The following RNF212B variants were observed in gnomAD, a reference collection of about 807,000 sequenced individuals.
RNF212B encodes the protein E3 ubiquitin-protein ligase RNF212B.
In RNF212B, 52 loss-of-function variants were observed where a neutral mutation model predicts 55.5. That is an observed-to-expected ratio of 0.94 (90% CI 0.75 to 1.18). The LOEUF (loss-of-function observed/expected upper bound fraction) is 1.18. Among genes scored for constraint, RNF212B ranks in the 50% most tolerant of loss-of-function variants. The pLI is 0.00. For synonymous variants in RNF212B, 99 were observed against 121.4 expected, an observed-to-expected ratio of 0.82 and a Z score of 1.21; for missense variants, 289 against 350.4, an observed-to-expected ratio of 0.82 and a Z score of 1.40.
Position 23,239,777 on chromosome 14 carries a change from C to T in RNF212B, c.-1-568C>T, listed in dbSNP as rs1272173393. 2.0e-5 allele frequency among the ~76,000 whole-genome samples: 3 copies of T among 152,050 alleles called. No individual in the cohort carries two copies. The East Asian group carries it at 5.8e-4, about 29-fold the overall frequency. On this transcript the variant is annotated intron_variant, in intron 1 of 14. Transcript: ENST00000430154. ...GGGATTACAGGTGCCTGCCACCATGCCCAGCTAATTTTTATATTTTTAGTA... is the reference window on the plus strand; with the variant it reads ...GGGATTACAGGTGCCTGCCACCATGTCCAGCTAATTTTTATATTTTTAGTA...
At chr14:23,256,162 G>A (rs1052136019) in intron 4 of RNF212B, among the ~76,000 whole-genome samples, 2 of 152,038 alleles carry the variant, frequency 1.3e-5, no homozygotes, top group African/African-American at 4.8e-5. Context: ...GTAGGATTTG[G>A]CTTATCTTGA....
intron 9 of RNF212B, among the ~76,000 whole-genome samples, chr14:23,263,454 A>G (rs966846931): frequency 2.6e-5 from 4 of 152,250 alleles, no homozygotes; most frequent in African/African-American, 9.6e-5. Flanking sequence ...GCATCACTGG[A>G]AAGTCCAGAT....
In RNF212B at chr14:23,244,329, C is replaced by T. The variant is rs1377839863; in HGVS notation, c.161C>T (p.Pro54Leu). The change falls in exon 4 of 15, where the codon CCT (proline) becomes CTT (leucine). Residue 54 changes from proline to leucine, a missense_variant. Pro to Leu is a moderately conservative substitution (Grantham distance 98, BLOSUM62 -3). Transcript: ENST00000430154. The part of the protein sequence containing the change: ...KHLALSDNLK[P>L]QEKMFFKSPV... ...GTATTGCTCTCTTCGTAGCTGAAGCCTCAGGAGAAGATGTTTTTCAAAAGT... is the reference window on the plus strand; with the variant it reads ...GTATTGCTCTCTTCGTAGCTGAAGCTTCAGGAGAAGATGTTTTTCAAAAGT... 5 of 1,541,496 alleles carry T rather than the reference C, an allele frequency of 3.2e-6. No individual in the cohort carries two copies. The highest frequency in any genetic ancestry group is 4.4e-6 in the Non-Finnish European group (5 of 1,141,342).
chr14:23,228,920 G>A (rs1261431252), intron 2 of RNF212B, among the ~76,000 whole-genome samples: 1 of 151,840 alleles, frequency 6.6e-6, no homozygotes, highest in African/African-American at 2.4e-5. Context: ...CAATTCAGTG[G>A]CATTAGGTAC....
intron 4 of RNF212B, among the ~76,000 whole-genome samples, chr14:23,248,302 G>T (rs1240781765): frequency 7.2e-6 from 1 of 138,574 alleles, no homozygotes; most frequent in East Asian, 2.1e-4. Context: ...TAGTTTTTGT[G>T]TTTTTTTTTT....
At chr14:23,216,044 G>C (rs1881036156) in intron 2 of RNF212B, among the ~76,000 whole-genome samples, 1 of 149,066 alleles carries the variant, frequency 6.7e-6, no homozygotes, top group Admixed American at 6.9e-5. Flanking sequence ...AGGAGATCGA[G>C]ACCATCCTGG....
intron 2 of RNF212B, among the ~76,000 whole-genome samples, chr14:23,216,520 A>G (rs527816376): frequency 2.0e-5 from 3 of 152,188 alleles, no homozygotes; most frequent in South Asian, 4.1e-4. Context: ...CAGATTAAAA[A>G]ACAAACATGA....
intron 10 of RNF212B, 34 bp from the exon 11 acceptor site, chr14:23,264,589 A>G (rs1234456855): frequency 1.5e-6 from 2 of 1,295,194 alleles, no homozygotes; most frequent in Non-Finnish European, 2.0e-6. Context: ...ACTGAGATAT[A>G]TTTATTAATT....
Position 23,208,799 on chromosome 14 carries a change from C to A in RNF212B, c.-2+15398C>A, listed in dbSNP as rs373281606. On this transcript the variant is annotated intron_variant, in intron 2 of 15. Transcript: ENST00000399910. The stretch of plus-strand genomic sequence containing the variant: ...TTTGAGACGGAGTCTCACTCTGTCG[C>A]CCAGGCTGGAGTGCAATGGCGCGAT... Among the ~76,000 whole-genome samples the A allele has an allele frequency of 5.4e-5, 6 of 110,456 alleles. No individual in the cohort carries two copies. In the South Asian group the frequency reaches 1.9e-3, roughly 35 times the overall value. The allele number at this position is 110,456 out of a possible 152,430, so 72.5% of individuals were successfully genotyped here. A position where few individuals can be genotyped will look rare whatever the true frequency, so the allele number is the denominator to read the frequency against.
chr14:23,260,685 C>T lies in RNF212B; in HGVS notation c.432C>T (p.Ser144=), dbSNP rs1240068450. ...LKESPSRYQG[S]RSITPRPVGI... ...AATCTCCAAGTCGGTACCAAGGAAG[C>T]AGGTCAGTTTTATCAGCTCCCATAC... The change falls in exon 7 of 15, where the codon AGC becomes AGT. Residue 144 remains serine (S), a splice_region_variant and synonymous_variant. Transcript: ENST00000430154. 1 of 1,550,406 alleles carries T rather than the reference C, an allele frequency of 6.4e-7. No homozygotes were observed. The highest frequency in any genetic ancestry group is 8.7e-7 in the Non-Finnish European group (1 of 1,146,900).
rs1594924718 is a variant in RNF212B at position 23,243,680 on chromosome 14, G to C, written c.153+372G>C. 2.9e-5 allele frequency among the ~76,000 whole-genome samples: 3 copies of C among 105,238 alleles called. No individual in the cohort carries two copies. In the East Asian group the frequency reaches 9.7e-4, roughly 34 times the overall value. The allele number at this position is 105,238 out of a possible 152,430, so 69.0% of individuals were successfully genotyped here. On this transcript the variant is annotated intron_variant, in intron 3 of 14. Coordinates refer to ENST00000430154, the MANE Select transcript of RNF212B (RefSeq NM_001282322.3). ...CACTGCACTCCAGCTTGGGCTCAGA[G>C]TAAGACTCTGTCTCAAAAAAAAAAA...
At chr14:23,223,521 A>AT (rs1035149002) in intron 2 of RNF212B, among the ~76,000 whole-genome samples, 5 of 151,904 alleles carry the variant, frequency 3.3e-5, no homozygotes, top group Admixed American at 6.6e-5. Flanking sequence ...AGCCCGGCTA[A>AT]TTTTTTTGTA....
intron 2 of RNF212B, among the ~76,000 whole-genome samples, chr14:23,225,650 C>T (rs112658764): frequency 0.019 from 2,532 of 136,346 alleles, 51 homozygotes; most frequent in African/African-American, 0.049. Flanking sequence ...TTATTAGAGG[C>T]GGGGAAGGGT....
At chr14:23,232,896 A>C (rs547742220) in intron 2 of RNF212B, among the ~76,000 whole-genome samples, 1 of 110,758 alleles carries the variant, frequency 9.0e-6, no homozygotes, top group African/African-American at 2.7e-5. Flanking sequence ...CCACCACCCC[A>C]TCTGGGAGGT....
At chr14:23,267,586 G>A (rs550412905) in intron 11 of RNF212B, among the ~76,000 whole-genome samples, 4 of 151,980 alleles carry the variant, frequency 2.6e-5, no homozygotes, top group Admixed American at 6.5e-5. Flanking sequence ...GTGCCACCAC[G>A]CCTAGCTAAT....
At chr14:23,230,513 G>T (rs1882502663) in intron 2 of RNF212B, among the ~76,000 whole-genome samples, 1 of 151,990 alleles carries the variant, frequency 6.6e-6, no homozygotes, top group African/African-American at 2.4e-5. Flanking sequence ...AATTAGCCGG[G>T]TGTGGTGGCG....
chr14:23,249,707 T>C (rs1277440981), intron 4 of RNF212B, among the ~76,000 whole-genome samples: 1 of 152,202 alleles, frequency 6.6e-6, no homozygotes, highest in Non-Finnish European at 1.5e-5. Flanking sequence ...TGAGGTAGTA[T>C]TCCTTTGATC....
chr14:23,241,869 G>A (rs967874742), intron 2 of RNF212B, among the ~76,000 whole-genome samples: 1 of 151,382 alleles, frequency 6.6e-6, no homozygotes, highest in Non-Finnish European at 1.5e-5. Flanking sequence ...GGATCACAAG[G>A]TCGGGAGATT....
rs777468657 is a variant in RNF212B, at chr14:23,258,705, T to G, written c.344+41T>G. The G allele has an allele frequency of 6.8e-5, 63 of 922,442 alleles. No homozygotes were observed. In the South Asian group the frequency reaches 1.1e-3, roughly 16 times the overall value. The allele number at this position is 922,442 out of a possible 1,614,324, so 57.1% of individuals were successfully genotyped here. ...AGTCCCAAGAGAGCTTTTTTTTTTT[T>G]TTTTTTTCTAAGAAGTGACAGTCCT... On this transcript the variant is annotated intron_variant, in intron 5 of 14. Coordinates refer to ENST00000430154, the MANE Select transcript of RNF212B (RefSeq NM_001282322.3).
Sources: gnomAD v4.1 joint callset for allele counts (sites outside exome capture counted in the v4.1 genomes callset) on GRCh38, gnomAD v4.1.1 for gene constraint, MANE v1.5 for transcripts, NCBI Gene and HGNC (gene_info 2026-07-23, HGNC 2026-07-21) for gene names.